The following USP49 variants were observed in gnomAD, a reference collection of about 807,000 sequenced individuals.
USP49 encodes ubiquitin specific peptidase 49.
A neutral mutation model predicts 58.6 loss-of-function variants in USP49; 24 were observed. The observed-to-expected ratio is 0.41, with a 90% CI of 0.30 to 0.58. The LOEUF (loss-of-function observed/expected upper bound fraction) is 0.58, where lower values mean the gene tolerates loss of function less well. Ranked by LOEUF, USP49 falls within the 20% of genes least tolerant of loss-of-function variation. The pLI, the probability that USP49 is intolerant of heterozygous loss-of-function variation, is 0.30. For synonymous variants in USP49, 408 were observed against 365.1 expected, an observed-to-expected ratio of 1.12 and a Z score of -1.34; for missense variants, 703 against 866.1, an observed-to-expected ratio of 0.81 and a Z score of 2.36.
At chr6:41,849,279 C>T (rs1393505552) in intron 3 of USP49, among the ~76,000 whole-genome samples, 2 of 152,154 alleles carry the variant, frequency 1.3e-5, no homozygotes, top group African/African-American at 4.8e-5. Context: ...ATGCTCCAAA[C>T]ATCAGAGCTT....
At chr6:41,831,916 T>A (rs1773642178) in intron 3 of USP49, among the ~76,000 whole-genome samples, 1 of 152,164 alleles carries the variant, frequency 6.6e-6, no homozygotes, top group Admixed American at 6.6e-5. Flanking sequence ...AACAGTCAAT[T>A]CCTTGAGATG....
In USP49 at chr6:41,790,795, T is replaced by C. The variant is rs979960820; in HGVS notation, c.*5738A>G. Reference sequence around the variant, plus strand: ...CTTTGTATAAATCAGATAGATCTTATCTGATAGATGAAGCTAAGACCCTTT... The same window carrying C: ...CTTTGTATAAATCAGATAGATCTTACCTGATAGATGAAGCTAAGACCCTTT... On this transcript the variant is annotated 3_prime_UTR_variant, in exon 8 of 8. Coordinates refer to ENST00000682992, the MANE Select transcript of USP49 (RefSeq NM_001286554.2). 6.6e-6 allele frequency: 1 copy of C among 152,206 alleles called. No individual in the cohort carries two copies. Among genetic ancestry groups the C allele is most frequent in the Non-Finnish European group, 1.5e-5 (1 of 68,036 alleles). The allele number at this position is 152,206 out of a possible 1,614,324, so 9.4% of individuals were successfully genotyped here. A position where few individuals can be genotyped will look rare whatever the true frequency, so the allele number is the denominator to read the frequency against.
At position 41,806,392 on chromosome 6, in the gene USP49, C is replaced by G. The variant is rs749465728; in HGVS notation, c.592G>C (p.Glu198Gln). The G allele has an allele frequency of 5.1e-6, 8 of 1,554,450 alleles. No individual in the cohort carries two copies. In the African/African-American group the frequency reaches 8.1e-5, roughly 16 times the overall value. The change falls in exon 4 of 8, where the codon GAG becomes CAG. Residue 198 changes from glutamate to glutamine, a missense_variant. Glu to Gln is a conservative substitution (Grantham distance 29). This residue lies in a region of USP49 where 376 missense variants were observed against 373.5 expected (regional missense o/e 1.01). Coordinates refer to ENST00000682992, the MANE Select transcript of USP49 (RefSeq NM_001286554.2). The surrounding 1 kb of genome is among the most constrained non-coding windows in gnomAD (Gnocchi z 5.9). The part of the protein sequence containing the change: ...RRREVKRRLL[E>Q]ELASTPPRKS... ...CGCGGAGGGGTGCTGGCCAGCTCCT[C>G]CAGCAGCCGCCGTTTCACCTCGCGC...
At chr6:41,879,181 G>A (rs1296359791) in intron 2 of USP49, among the ~76,000 whole-genome samples, 1 of 152,132 alleles carries the variant, frequency 6.6e-6, no homozygotes, top group Non-Finnish European at 1.5e-5. Flanking sequence ...GACTGCTTGA[G>A]GCCAGCAGTT....
intron 3 of USP49, among the ~76,000 whole-genome samples, chr6:41,831,557 GCAA>G (rs1160966108): frequency 7.0e-6 from 1 of 143,636 alleles, no homozygotes; most frequent in Non-Finnish European, 1.5e-5. Flanking sequence ...TCCAGCTTGG[GCAA>G]CAAGAGCAAA....
rs766568260 is a variant in USP49, at chr6:41,867,587, CA to C, written c.-29+3976del. ...TGAAACCCCGTCTCTACTAAAAATA[CA>C]AAAAAAAAAAAAAAAAAGCTAGGAG... is the stretch of plus-strand genomic sequence containing the variant. On this transcript the variant is annotated intron_variant, in intron 3 of 7. Coordinates refer to ENST00000682992, the MANE Select transcript of USP49 (RefSeq NM_001286554.2). Among the ~76,000 whole-genome samples, 478 of 71,166 alleles carry C rather than the reference CA, an allele frequency of 6.7e-3. 2 individuals are homozygous for C. The highest frequency in any genetic ancestry group is 0.022 in the African/African-American group (340 of 15,558). 46.7% of individuals were successfully genotyped at this position (71,166 alleles called of 152,430 possible).
At chr6:41,808,082 C>T (rs979578402) in intron 3 of USP49, among the ~76,000 whole-genome samples, 1 of 151,968 alleles carries the variant, frequency 6.6e-6, no homozygotes, top group African/African-American at 2.4e-5. Context: ...CAGCCAACAT[C>T]CGTCTTTTTG....
intron 3 of USP49, among the ~76,000 whole-genome samples, chr6:41,810,041 G>T (rs1274366679): frequency 1.4e-5 from 2 of 143,810 alleles, no homozygotes; most frequent in Non-Finnish European, 3.0e-5. Flanking sequence ...AGTCCCAGCT[G>T]CTCCGGAGGC....
intron 3 of USP49, among the ~76,000 whole-genome samples, chr6:41,827,675 C>CCA (rs1554144724): frequency 1.1e-5 from 1 of 92,326 alleles, no homozygotes; most frequent in East Asian, 3.1e-4. Flanking sequence ...ACTCTGTCTC[C>CCA]AAAAAAAAAA....
At chr6:41,834,235 A>T (rs1773686767) in intron 3 of USP49, among the ~76,000 whole-genome samples, 1 of 152,160 alleles carries the variant, frequency 6.6e-6, no homozygotes, top group Non-Finnish European at 1.5e-5. Context: ...CCCATACTTT[A>T]CCTCACTCTA....
intron 3 of USP49, among the ~76,000 whole-genome samples, chr6:41,833,740 T>G (rs569211717): frequency 6.6e-6 from 1 of 152,274 alleles, no homozygotes; most frequent in South Asian, 2.1e-4. Flanking sequence ...ATTTCTGAAA[T>G]GTAAGAAGTA....
At chr6:41,854,706 G>A (rs558086420) in intron 3 of USP49, among the ~76,000 whole-genome samples, 3 of 152,274 alleles carry the variant, frequency 2.0e-5, no homozygotes, top group East Asian at 1.9e-4. Flanking sequence ...GCATTTTAAA[G>A]ATCCATTAAA....
intron 3 of USP49, among the ~76,000 whole-genome samples, chr6:41,854,054 T>C (rs1307774421): frequency 7.0e-6 from 1 of 142,448 alleles, no homozygotes; most frequent in Non-Finnish European, 1.5e-5. Context: ...GGGTGGCTCA[T>C]GCCCGTAATC....
Position 41,865,721 on chromosome 6 carries a change from C to A in USP49, c.-29+5843G>T, listed in dbSNP as rs1774302236. ...TGATGTGATTATAGCTCACTGTAACCTCGAACTCCTGAGCTCAAGCCATCC... is the reference window on the plus strand; with the variant it reads ...TGATGTGATTATAGCTCACTGTAACATCGAACTCCTGAGCTCAAGCCATCC... On this transcript the variant is annotated intron_variant, in intron 3 of 7. Transcript: ENST00000682992. Among the ~76,000 whole-genome samples the A allele has an allele frequency of 2.0e-5, 3 of 151,708 alleles. No individual in the cohort carries two copies. In the South Asian group the frequency reaches 6.2e-4, roughly 32 times the overall value.
chr6:41,817,241 G>A (rs1487294929), intron 3 of USP49, among the ~76,000 whole-genome samples: 8 of 142,572 alleles, frequency 5.6e-5, no homozygotes, highest in African/African-American at 1.6e-4. Context: ...TCCGCCTCCC[G>A]GGTTCAAACG....
chr6:41,863,035 C>T (rs1561921521), intron 3 of USP49, among the ~76,000 whole-genome samples: 1 of 152,098 alleles, frequency 6.6e-6, no homozygotes. Flanking sequence ...TCTCAGCCTC[C>T]CAAAATGTTG....
chr6:41,825,416 A>G (rs1370215881), intron 3 of USP49, among the ~76,000 whole-genome samples: 1 of 151,276 alleles, frequency 6.6e-6, no homozygotes, highest in East Asian at 1.9e-4. Flanking sequence ...TGTAATGGAC[A>G]CCAACAAGAG....
intron 3 of USP49, among the ~76,000 whole-genome samples, chr6:41,816,835 G>T (rs1439715702): frequency 1.3e-5 from 2 of 150,694 alleles, no homozygotes; most frequent in East Asian, 3.9e-4. Flanking sequence ...CTCCCAAGTA[G>T]CTGGAAGCAC....
chr6:41,809,547 C>A (rs907781141), intron 3 of USP49, among the ~76,000 whole-genome samples: 4 of 149,196 alleles, frequency 2.7e-5, no homozygotes, highest in Non-Finnish European at 5.9e-5. Flanking sequence ...ATAAAATAGG[C>A]CGGGTACGGT....
Sources: allele counts gnomAD v4.1 joint callset (sites outside exome capture counted in the v4.1 genomes callset), GRCh38; gene constraint gnomAD v4.1.1; regional missense constraint gnomAD v4.1.1; non-coding constraint Gnocchi (gnomAD v3.1); transcripts MANE v1.5; gene names NCBI Gene and HGNC (gene_info 2026-07-23, HGNC 2026-07-21).